GPR63: variants seen among roughly 807,000 people sequenced by gnomAD.
GPR63 encodes the protein G protein-coupled receptor 63.
GPR63 carries 12 observed loss-of-function variants against 23.1 expected under a neutral mutation model. The ratio of observed to expected loss-of-function variants is 0.52; its 90% CI spans 0.33 to 0.84. GPR63 has a LOEUF of 0.84. GPR63 is among the 40% of genes least tolerant of loss of function. GPR63 has a pLI of 0.02. For missense variants in GPR63, 472 were observed against 515.6 expected, an observed-to-expected ratio of 0.92 and a Z score of 0.82; for synonymous variants, 172 against 191.1, an observed-to-expected ratio of 0.90 and a Z score of 0.82.
chr6:96,798,666 G>A lies in GPR63; in HGVS notation c.1066C>T (p.Leu356=). The stretch of plus-strand genomic sequence containing the variant: ...GACTTGAGGTAGCAGAGCCACAGTA[G>A]CCAGGTGCTAATCTCAAAAAAGTTG... The part of the protein sequence containing the change: ...QHNFFEISTW[L]LWLCYLKSAL... The change falls in exon 2 of 2, where the codon CTA becomes TTA. Residue 356 remains leucine, a synonymous_variant. Coordinates refer to ENST00000229955, the MANE Select transcript of GPR63 (RefSeq NM_030784.4). 1 of 1,614,208 alleles carries A rather than the reference G, an allele frequency of 6.2e-7. No homozygotes were observed. The highest frequency in any genetic ancestry group is 8.5e-7 in the Non-Finnish European group (1 of 1,180,028).
At chr6:96,830,819 C>T (rs1774561105) in intron 1 of GPR63, among the ~76,000 whole-genome samples, 1 of 152,138 alleles carries the variant, frequency 6.6e-6, no homozygotes, top group Admixed American at 6.5e-5. Context: ...CTGACTTTTG[C>T]TCATTTTATA....
At chr6:96,805,756 C>T (rs1306112482) in intron 1 of GPR63, among the ~76,000 whole-genome samples, 1 of 152,162 alleles carries the variant, frequency 6.6e-6, no homozygotes, top group Non-Finnish European at 1.5e-5. Context: ...TGAAAGTAAA[C>T]CAAAAGCAAC....
At chr6:96,828,978 G>A (rs570201160) in intron 1 of GPR63, among the ~76,000 whole-genome samples, 1,522 of 152,182 alleles carry the variant, frequency 0.01, 16 homozygotes, top group Non-Finnish European at 0.014. Flanking sequence ...ATCTAAACTT[G>A]TATGTATCTA....
intron 1 of GPR63, among the ~76,000 whole-genome samples, chr6:96,806,646 GGTGTT>G (rs1773904688): frequency 6.6e-6 from 1 of 152,098 alleles, no homozygotes; most frequent in Non-Finnish European, 1.5e-5. Context: ...ACATAAACTT[GGTGTT>G]GTCTGACTTT....
intron 1 of GPR63, among the ~76,000 whole-genome samples, chr6:96,802,427 T>C (rs1432188373): frequency 6.6e-6 from 1 of 151,566 alleles, no homozygotes; most frequent in Non-Finnish European, 1.5e-5. Context: ...ACAGTCCACA[T>C]CCCGAAAATT....
At chr6:96,804,004 A>T (rs1011173151) in intron 1 of GPR63, among the ~76,000 whole-genome samples, 1 of 152,226 alleles carries the variant, frequency 6.6e-6, no homozygotes. Flanking sequence ...AACACACCAC[A>T]TGTATGTGTA....
intron 1 of GPR63, among the ~76,000 whole-genome samples, chr6:96,832,161 A>G (rs1255028069): frequency 6.6e-6 from 1 of 152,084 alleles, no homozygotes; most frequent in Non-Finnish European, 1.5e-5. Flanking sequence ...GTATTTTTCT[A>G]TATGTATATA....
At chr6:96,807,798 G>C (rs73757984) in intron 1 of GPR63, among the ~76,000 whole-genome samples, 4,123 of 152,238 alleles carry the variant, frequency 0.027, 184 homozygotes, top group African/African-American at 0.093. Context: ...TTGTTAGGAA[G>C]TATAATATCA....
chr6:96,821,851 A>C (rs1027978653), intron 1 of GPR63, among the ~76,000 whole-genome samples: 2 of 152,150 alleles, frequency 1.3e-5, no homozygotes, highest in African/African-American at 4.8e-5. Context: ...TGGTTCAAGC[A>C]TAATCTCTTG....
At chr6:96,825,346 T>G (rs1774414097) in intron 1 of GPR63, among the ~76,000 whole-genome samples, 1 of 152,016 alleles carries the variant, frequency 6.6e-6, no homozygotes, top group Non-Finnish European at 1.5e-5. Context: ...GAACATAGGG[T>G]CTGGGAGAAA....
At chr6:96,821,496 T>C (rs1298268097) in intron 1 of GPR63, among the ~76,000 whole-genome samples, 6 of 152,038 alleles carry the variant, frequency 3.9e-5, no homozygotes, top group Admixed American at 3.3e-4. Context: ...AAAAAAAAGG[T>C]ACAGCTTCTT....
intron 1 of GPR63, among the ~76,000 whole-genome samples, chr6:96,801,686 C>A (rs778419893): frequency 6.6e-6 from 1 of 152,160 alleles, no homozygotes; most frequent in South Asian, 2.1e-4. Flanking sequence ...AAAGAAGAAT[C>A]CTGATCTATT....
intron 1 of GPR63, among the ~76,000 whole-genome samples, chr6:96,802,449 A>C (rs891808524): frequency 5.9e-5 from 9 of 152,208 alleles, no homozygotes; most frequent in Admixed American, 5.9e-4. Context: ...CACTGAAATG[A>C]CAGTAAAGGG....
intron 1 of GPR63, among the ~76,000 whole-genome samples, chr6:96,803,036 C>T (rs1025370159): frequency 2.0e-5 from 3 of 152,206 alleles, no homozygotes; most frequent in Non-Finnish European, 4.4e-5. Context: ...AAGCACGTAT[C>T]TCCATTTCAG....
chr6:96,806,810 ACCCTCTC>A (rs1268726399), intron 1 of GPR63, among the ~76,000 whole-genome samples: 4 of 152,120 alleles, frequency 2.6e-5, no homozygotes. Context: ...TGCTGTAATG[ACCCTCTC>A]TTTAAACTTC....
chr6:96,826,772 TCA>T lies in GPR63; in HGVS notation c.-151+10494_-151+10495del, dbSNP rs1364550747. ...TGAACAAAAAATAAACTCTACCATG[TCA>T]AAAGAAAACGGAAATAAAAATTATA... is the stretch of plus-strand genomic sequence containing the variant. On this transcript the variant is annotated intron_variant, in intron 1 of 1. Transcript: ENST00000229955. Among the ~76,000 whole-genome samples the T allele has an allele frequency of 2.0e-5, 3 of 151,890 alleles. No individual in the cohort carries two copies. The East Asian group carries it at 5.8e-4, about 29-fold the overall frequency.
intron 1 of GPR63, among the ~76,000 whole-genome samples, chr6:96,814,167 C>T (rs1652083402): frequency 6.6e-6 from 1 of 151,138 alleles, no homozygotes; most frequent in African/African-American, 2.5e-5. Context: ...TGTATAAAAC[C>T]TTAAGTTTTC....
intron 1 of GPR63, among the ~76,000 whole-genome samples, chr6:96,819,974 C>CAAAAAAAAA (rs367728329): frequency 2.3e-5 from 2 of 85,284 alleles, no homozygotes; most frequent in Non-Finnish European, 4.8e-5. Context: ...GACTCTGTCT[C>CAAAAAAAAA]AAAAAAAAAA....
At chr6:96,823,317 C>T (rs1447400104) in intron 1 of GPR63, among the ~76,000 whole-genome samples, 4 of 152,002 alleles carry the variant, frequency 2.6e-5, no homozygotes, top group East Asian at 1.9e-4. Context: ...GAAGACCTTC[C>T]GGTGGGACAA....
Sources: allele counts gnomAD v4.1 joint callset (sites outside exome capture counted in the v4.1 genomes callset), GRCh38; gene constraint gnomAD v4.1.1; transcripts MANE v1.5; gene names NCBI Gene and HGNC (gene_info 2026-07-23, HGNC 2026-07-21).